Variants in SDK1 observed in about 807,000 individuals in gnomAD.
The protein encoded by SDK1 is protein sidekick-1.
Under a neutral mutation model 245.5 loss-of-function variants are expected in SDK1, and 157 were observed. The observed-to-expected ratio is 0.64, with a 90% CI of 0.56 to 0.73. SDK1 has a LOEUF of 0.73. Ranked by LOEUF, SDK1 falls within the 30% of genes least tolerant of loss-of-function variation. SDK1 has a pLI of 0.00. For missense variants in SDK1, 3,583 were observed against 3,002.3 expected, an observed-to-expected ratio of 1.19 and a Z score of -4.52; for synonymous variants, 1,647 against 1,278.5, an observed-to-expected ratio of 1.29 and a Z score of -6.15.
In SDK1 at chr7:3,759,702, C is replaced by G. The variant is rs1312793479; in HGVS notation, c.714-61748C>G. On this transcript the variant is annotated intron_variant, in intron 4 of 44. Coordinates refer to ENST00000404826, the MANE Select transcript of SDK1 (RefSeq NM_152744.4). Reference sequence around the variant, plus strand: ...CACCTCCCGGGTTCAGGCGATTCTTCTGCCTCAGCCTCCTGAGTAGCTGGG... The same window carrying G: ...CACCTCCCGGGTTCAGGCGATTCTTGTGCCTCAGCCTCCTGAGTAGCTGGG... Among the ~76,000 whole-genome samples the G allele has an allele frequency of 2.0e-5, 3 of 152,032 alleles. No individual in the cohort carries two copies. The East Asian group carries it at 5.8e-4, about 29-fold the overall frequency.
chr7:3,773,124 A>ATAC (rs1007753194), intron 4 of SDK1, among the ~76,000 whole-genome samples: 63 of 152,280 alleles, frequency 4.1e-4, no homozygotes, highest in African/African-American at 1.4e-3. Flanking sequence ...TTCTTCAAGT[A>ATAC]TACTTTCTGT....
intron 4 of SDK1, among the ~76,000 whole-genome samples, chr7:3,783,513 A>T (rs1295979252): frequency 6.6e-6 from 1 of 152,062 alleles, no homozygotes; most frequent in Non-Finnish European, 1.5e-5. Context: ...AAACGAATAT[A>T]TTACAGTTGC....
At chr7:4,239,930 G>A (rs998131375) in intron 42 of SDK1, among the ~76,000 whole-genome samples, 1 of 152,158 alleles carries the variant, frequency 6.6e-6, no homozygotes, top group African/African-American at 2.4e-5. Flanking sequence ...CCGACCACAA[G>A]TCCTACCATC....
At chr7:3,573,947 T>A (rs1414407656) in intron 1 of SDK1, among the ~76,000 whole-genome samples, 3 of 152,094 alleles carry the variant, frequency 2.0e-5, no homozygotes, top group African/African-American at 4.8e-5. Flanking sequence ...TACATGCATT[T>A]ACTGAATGCT....
intron 1 of SDK1, among the ~76,000 whole-genome samples, chr7:3,405,916 G>C (rs945593068): frequency 6.7e-6 from 1 of 150,160 alleles, no homozygotes; most frequent in African/African-American, 2.5e-5. Context: ...AGGTTCAAGT[G>C]ATTCTTCTGC....
intron 17 of SDK1, among the ~76,000 whole-genome samples, chr7:4,022,171 T>C (rs1319923018): frequency 6.6e-6 from 1 of 152,160 alleles, no homozygotes; most frequent in Non-Finnish European, 1.5e-5. Flanking sequence ...GCATAACTCA[T>C]AAAATTAATT....
Position 4,012,198 on chromosome 7 carries a change from A to G in SDK1, c.2383A>G (p.Thr795Ala). 1 of 1,564,842 alleles carries G rather than the reference A, an allele frequency of 6.4e-7. No homozygotes were observed. Among genetic ancestry groups the G allele is most frequent in the Non-Finnish European group, 8.6e-7 (1 of 1,156,854 alleles). The change falls in exon 16 of 45, where the codon ACA becomes GCA. Residue 795 changes from threonine (T) to alanine (A), a missense_variant. Transcript: ENST00000404826. ...GGTCCAGTGGCAGCCACCCCCAGAA[A>G]CAGAGCACAACGGGGTGTTGCGTGG... is the stretch of plus-strand genomic sequence containing the variant. ...IMVQWQPPPE[T>A]EHNGVLRGYI...
chr7:3,721,832 G>T (rs925486351), intron 4 of SDK1, among the ~76,000 whole-genome samples: 3 of 152,142 alleles, frequency 2.0e-5, no homozygotes, highest in Non-Finnish European at 1.5e-5. Flanking sequence ...AGACCGGTTG[G>T]CATAACAACT....
Position 3,818,837 on chromosome 7 carries a change from C to T in SDK1, c.714-2613C>T, listed in dbSNP as rs927406784. ...GTCATTTCTATCATGGCCATAAAAT[C>T]ACCACCATGAACACGTTGGACAAAA... On this transcript the variant is annotated intron_variant, in intron 4 of 44. Coordinates refer to ENST00000404826, the MANE Select transcript of SDK1 (RefSeq NM_152744.4). Among the ~76,000 whole-genome samples the T allele has an allele frequency of 2.0e-5, 3 of 152,168 alleles. No individual in the cohort carries two copies. In the East Asian group the frequency reaches 5.8e-4, roughly 29 times the overall value.
intron 14 of SDK1, among the ~76,000 whole-genome samples, chr7:3,995,877 T>C (rs1784664020): frequency 6.6e-6 from 1 of 152,176 alleles, no homozygotes; most frequent in Non-Finnish European, 1.5e-5. Flanking sequence ...TTACCATTAA[T>C]GTTTGTATAT....
chr7:4,049,323 G>C (rs1164104536), intron 17 of SDK1, 25 bp from the exon 18 acceptor site: 1 of 1,590,696 alleles, frequency 6.3e-7, no homozygotes, highest in East Asian at 2.2e-5. Flanking sequence ...TTGTTCTGCT[G>C]TCATCAATGA....
intron 17 of SDK1, among the ~76,000 whole-genome samples, chr7:4,037,008 C>T (rs1000663285): frequency 6.6e-6 from 1 of 152,148 alleles, no homozygotes; most frequent in Non-Finnish European, 1.5e-5. Flanking sequence ...ATACCAATAT[C>T]CTCTGCTTTA....
At chr7:3,534,924 G>A (rs1009199698) in intron 1 of SDK1, among the ~76,000 whole-genome samples, 1 of 152,162 alleles carries the variant, frequency 6.6e-6, no homozygotes, top group Non-Finnish European at 1.5e-5. Context: ...GACAGCGCCA[G>A]TCAGTGGACA....
chr7:4,044,364 A>G (rs1484296336), intron 17 of SDK1, among the ~76,000 whole-genome samples: 1 of 152,252 alleles, frequency 6.6e-6, no homozygotes, highest in Non-Finnish European at 1.5e-5. Context: ...TTGGTCAAGC[A>G]GTCTCAGAGC....
intron 35 of SDK1, among the ~76,000 whole-genome samples, chr7:4,190,091 C>T (rs761772660): frequency 6.6e-6 from 1 of 152,180 alleles, no homozygotes; most frequent in Non-Finnish European, 1.5e-5. Context: ...TTCAGTGACG[C>T]CAGTTTGAAA....
At chr7:4,030,234 T>C (rs1235132816) in intron 17 of SDK1, among the ~76,000 whole-genome samples, 1 of 152,222 alleles carries the variant, frequency 6.6e-6, no homozygotes, top group African/African-American at 2.4e-5. Context: ...AAGGCATGTG[T>C]TCCTCCTATC....
chr7:3,560,956 A>T (rs1423568918), intron 1 of SDK1, among the ~76,000 whole-genome samples: 2 of 152,042 alleles, frequency 1.3e-5, no homozygotes, highest in African/African-American at 2.4e-5. Flanking sequence ...TTCCACCTAC[A>T]ATTTCGCACC....
At chr7:3,505,375 C>T (rs1340782272) in intron 1 of SDK1, among the ~76,000 whole-genome samples, 3 of 151,994 alleles carry the variant, frequency 2.0e-5, no homozygotes, top group South Asian at 4.1e-4. Context: ...CCTCTGCCTC[C>T]CAAGTAGCTA....
intron 5 of SDK1, among the ~76,000 whole-genome samples, chr7:3,944,963 C>G (rs974242717): frequency 6.6e-6 from 1 of 152,126 alleles, no homozygotes; most frequent in Non-Finnish European, 1.5e-5. Context: ...GGAGCCATTG[C>G]TAGTTTGTAT....
Sources: gnomAD v4.1 joint callset for allele counts (sites outside exome capture counted in the v4.1 genomes callset) on GRCh38, gnomAD v4.1.1 for gene constraint, MANE v1.5 for transcripts, NCBI Gene and HGNC (gene_info 2026-07-23, HGNC 2026-07-21) for gene names.